Variants in TMEM229B observed in about 807,000 individuals in gnomAD.
TMEM229B encodes transmembrane protein 229B, also known as chromosome 14 open reading frame 83.
Under a neutral mutation model 13.7 loss-of-function variants are expected in TMEM229B, and 6 were observed. The observed-to-expected ratio is 0.44, with a 90% CI of 0.24 to 0.86. The LOEUF (loss-of-function observed/expected upper bound fraction) is 0.86. Ranked by LOEUF, TMEM229B falls within the 40% of genes least tolerant of loss-of-function variation. TMEM229B has a pLI of 0.23. For synonymous variants in TMEM229B, 107 were observed against 102.1 expected, an observed-to-expected ratio of 1.05 and a Z score of -0.29; for missense variants, 170 against 236.0, an observed-to-expected ratio of 0.72 and a Z score of 1.83.
chr14:67,470,760 C>T lies in TMEM229B; in HGVS notation c.*2660G>A, dbSNP rs1315733. 6 of 152,532 alleles carry T rather than the reference C, an allele frequency of 3.9e-5. No individual in the cohort carries two copies. The highest frequency in any genetic ancestry group is 9.7e-5 in the African/African-American group (4 of 41,286). The allele number at this position is 152,532 out of a possible 1,614,324, so 9.4% of individuals were successfully genotyped here. ...GCACATGGGATGCCTAGCAGATGTC[C>T]GAAGCAGTTCAACCATGCAGGGCAA... On this transcript the variant is annotated 3_prime_UTR_variant, in exon 3 of 3. Transcript: ENST00000554480.
chr14:67,481,346 C>T (rs973411529), intron 2 of TMEM229B, among the ~76,000 whole-genome samples: 2 of 152,002 alleles, frequency 1.3e-5, no homozygotes, highest in Non-Finnish European at 2.9e-5. Context: ...TATGGTGTGC[C>T]CCAAGCCCAG....
chr14:67,475,416 A>C (rs2031121275), intron 2 of TMEM229B, among the ~76,000 whole-genome samples: 1 of 152,178 alleles, frequency 6.6e-6, no homozygotes, highest in Non-Finnish European at 1.5e-5. Flanking sequence ...AGAAGTGGAA[A>C]TACTGGATCA....
chr14:67,473,234 CCCCA>C lies in TMEM229B; in HGVS notation c.*182_*185del. ...CCCTCTGCTGCCTCCACACCCCATC[CCCCA>C]ACACCTGACCACGGCCCCCCAACAC... On this transcript the variant is annotated 3_prime_UTR_variant, in exon 3 of 3. Coordinates refer to ENST00000554480, the MANE Select transcript of TMEM229B (RefSeq NM_001348543.2). The surrounding 1 kb of genome is among the most constrained non-coding windows in gnomAD (Gnocchi z 6.5). 1.3e-6 allele frequency: 1 copy of C among 745,708 alleles called. No homozygotes were observed. Among genetic ancestry groups the C allele is most frequent in the Non-Finnish European group, 2.1e-6 (1 of 470,388 alleles). The allele number at this position is 745,708 out of a possible 1,614,324, so 46.2% of individuals were successfully genotyped here. A position where few individuals can be genotyped will look rare whatever the true frequency, so the allele number is the denominator to read the frequency against.
At chr14:67,495,764 G>A (rs949846632) in intron 1 of TMEM229B, among the ~76,000 whole-genome samples, 1 of 152,272 alleles carries the variant, frequency 6.6e-6, no homozygotes, top group Admixed American at 6.5e-5. Context: ...GATTACAGGC[G>A]TGAGCCACCA....
At chr14:67,519,719 T>TG (rs988361028), upstream of TMEM229B, among the ~76,000 whole-genome samples, 11 of 151,786 alleles carry the variant, frequency 7.2e-5, no homozygotes, top group Admixed American at 6.6e-4. Context: ...AGTTTGTTTT[T>TG]TTTTTTTTTT....
At chr14:67,503,410 G>C (rs1487133205) in intron 1 of TMEM229B, 1 of 152,252 alleles carries the variant, frequency 6.6e-6, no homozygotes, top group East Asian at 1.9e-4. Context: ...TTTCCTGGGG[G>C]CGCTGGGGAG....
chr14:67,529,520 C>T lies in TMEM229B; in HGVS notation c.-192+4116G>A, dbSNP rs141572601. On this transcript the variant is annotated intron_variant, in intron 1 of 2. Transcript: ENST00000554278. ...GTCCATACTTAAAGTTAGGACACTT[C>T]CTCCCATCTTTCCATACCCATCTCA... Among the ~76,000 whole-genome samples the T allele has an allele frequency of 4.2e-3, 632 of 152,200 alleles. 5 individuals are homozygous for T. Among genetic ancestry groups the T allele is most frequent in the Middle Eastern group, 6.8e-3 (2 of 294 alleles).
chr14:67,520,262 A>G (rs116059689), upstream of TMEM229B, among the ~76,000 whole-genome samples: 1 of 152,318 alleles, frequency 6.6e-6, no homozygotes, highest in African/African-American at 2.4e-5. Context: ...ATGAATGTAT[A>G]TTGACATGTA....
chr14:67,521,439 A>T (rs1338765596), intron 1 of TMEM229B, among the ~76,000 whole-genome samples: 1 of 152,248 alleles, frequency 6.6e-6, no homozygotes, highest in East Asian at 1.9e-4. Flanking sequence ...TGGGTTTATC[A>T]GAAGATTTTG....
chr14:67,506,902 T>C (rs967332326), intron 1 of TMEM229B, among the ~76,000 whole-genome samples: 1 of 152,148 alleles, frequency 6.6e-6, no homozygotes, highest in Non-Finnish European at 1.5e-5. Flanking sequence ...GAGAATGGCT[T>C]GAACACAGGA....
rs2030999243 is a variant in TMEM229B at position 67,474,086 on chromosome 14, T to A, written c.-18-145A>T. On this transcript the variant is annotated intron_variant, in intron 2 of 2. Coordinates refer to ENST00000554480, the MANE Select transcript of TMEM229B (RefSeq NM_001348543.2). ...GGCCATCATGGTGAAACCCCGTCTC[T>A]ACTAAAAATACAAAAATTAGCCTGG... 51 of 904,718 alleles carry A rather than the reference T, an allele frequency of 5.6e-5. No homozygotes were observed. In the South Asian group the frequency reaches 8.6e-4, roughly 15 times the overall value. 56.0% of individuals were successfully genotyped at this position (904,718 alleles called of 1,614,324 possible).
rs555103371 is a variant in TMEM229B, at chr14:67,503,100, C to T, written c.-192+11986G>A. Among the ~76,000 whole-genome samples the T allele has an allele frequency of 8.5e-5, 13 of 152,230 alleles. No individual in the cohort carries two copies. In the South Asian group the frequency reaches 1.7e-3, roughly 19 times the overall value. ...CTAACAAGCAGATAGTGGCGCTGCA[C>T]GGAGAGATCAGGATCTGTGTTTGCC... On this transcript the variant is annotated intron_variant, in intron 1 of 2. Coordinates refer to the TMEM229B transcript ENST00000357461.
At position 67,470,531 on chromosome 14, in the gene TMEM229B, T is replaced by A. The variant is rs1490428935; in HGVS notation, c.*2889A>T. On this transcript the variant is annotated 3_prime_UTR_variant, in exon 3 of 3. Coordinates refer to ENST00000554480, the MANE Select transcript of TMEM229B (RefSeq NM_001348543.2). ...CCCTAAGGGCTGGGCCTCTAACCTG[T>A]CTGCATCCCAGGGTGATGCCTACAC... The A allele has an allele frequency of 6.6e-6, 1 of 152,542 alleles. No individual in the cohort carries two copies. Among genetic ancestry groups the A allele is most frequent in the Non-Finnish European group, 1.5e-5 (1 of 68,088 alleles). 9.4% of individuals were successfully genotyped at this position (152,542 alleles called of 1,614,324 possible).
intron 1 of TMEM229B, among the ~76,000 whole-genome samples, chr14:67,503,097 G>A (rs772547228): frequency 3.9e-5 from 6 of 152,280 alleles, no homozygotes; most frequent in Non-Finnish European, 8.8e-5. Flanking sequence ...TAGTGGCGCT[G>A]CACGGAGAGA....
intron 1 of TMEM229B, among the ~76,000 whole-genome samples, chr14:67,494,826 A>T (rs2032305159): frequency 6.6e-6 from 1 of 152,206 alleles, no homozygotes. Context: ...TTAAAAACAG[A>T]AGTGGCCAGA....
intron 2 of TMEM229B, among the ~76,000 whole-genome samples, chr14:67,485,103 T>C (rs73288662): frequency 0.018 from 2,800 of 152,330 alleles, 97 homozygotes; most frequent in African/African-American, 0.064. Context: ...TCTTCTCTGG[T>C]ACTATTTCCT....
chr14:67,492,554 C>T (rs527555229), upstream of TMEM229B, among the ~76,000 whole-genome samples: 10 of 152,312 alleles, frequency 6.6e-5, no homozygotes, highest in African/African-American at 2.2e-4. Flanking sequence ...TACCCTGCCA[C>T]GCTGCACCTT....
At chr14:67,482,374 A>AG (rs765006541) in intron 2 of TMEM229B, among the ~76,000 whole-genome samples, 5 of 152,220 alleles carry the variant, frequency 3.3e-5, no homozygotes, top group Non-Finnish European at 7.4e-5. Context: ...ATCTTGTTTC[A>AG]GGGGGCTAAG....
intron 1 of TMEM229B, among the ~76,000 whole-genome samples, chr14:67,529,815 G>C (rs2033419400): frequency 6.6e-6 from 1 of 152,222 alleles, no homozygotes. Flanking sequence ...CCAAGGCAGA[G>C]AGCAGAAGCC....
Sources: gnomAD v4.1 joint callset for allele counts (sites outside exome capture counted in the v4.1 genomes callset) on GRCh38, gnomAD v4.1.1 for gene constraint, Gnocchi (gnomAD v3.1) non-coding constraint, MANE v1.5 for transcripts, NCBI Gene and HGNC (gene_info 2026-07-23, HGNC 2026-07-21) for gene names.